Variants in CSMD1 observed in about 807,000 individuals in gnomAD.
CSMD1 encodes CUB and Sushi multiple domains 1, also known as CUB and sushi domain-containing protein 1.
In CSMD1, 213 loss-of-function variants were observed where a neutral mutation model predicts 417.5. That is an observed-to-expected ratio of 0.51 (90% CI 0.46 to 0.57). The LOEUF (loss-of-function observed/expected upper bound fraction) is 0.57, where lower values mean the gene tolerates loss of function less well. Ranked by LOEUF, CSMD1 falls within the 20% of genes least tolerant of loss-of-function variation. The pLI, the probability that CSMD1 is intolerant of heterozygous loss-of-function variation, is 0.00. For missense variants in CSMD1, 6,923 were observed against 4,529.7 expected (o/e 1.53, Z -15.17); for synonymous variants, 2,862 against 1,736.8 (o/e 1.65, Z -16.11).
chr8:4,240,511 T>C (rs1373054933), intron 3 of CSMD1, among the ~76,000 whole-genome samples: 3 of 152,216 alleles, frequency 2.0e-5, no homozygotes, highest in African/African-American at 7.2e-5. Flanking sequence ...GCAGCAAGAA[T>C]CTGGAAACTA....
intron 23 of CSMD1, among the ~76,000 whole-genome samples, chr8:3,323,383 A>T (rs1220057678): frequency 1.3e-5 from 2 of 151,636 alleles, no homozygotes; most frequent in Non-Finnish European, 2.9e-5. Context: ...TCAATAATCT[A>T]CCCTTCCCCA....
At chr8:4,368,072 A>G (rs1224783425) in intron 3 of CSMD1, among the ~76,000 whole-genome samples, 2 of 152,128 alleles carry the variant, frequency 1.3e-5, no homozygotes, top group Admixed American at 6.6e-5. Flanking sequence ...CAAAGTGCGC[A>G]TCCTTGTCTC....
At chr8:3,147,379 T>C (rs1399464523) in intron 40 of CSMD1, among the ~76,000 whole-genome samples, 1 of 152,230 alleles carries the variant, frequency 6.6e-6, no homozygotes, top group East Asian at 1.9e-4. Context: ...AAGAATCTTG[T>C]GAAAACCTTT....
At chr8:4,924,722 CAAAAAAAAA>C in intron 1 of CSMD1, among the ~76,000 whole-genome samples, 1 of 62,550 alleles carries the variant, frequency 1.6e-5, no homozygotes, top group South Asian at 8.8e-4. Flanking sequence ...AACTCCATCT[CAAAAAAAAA>C]AAAAAAAAAA....
chr8:3,031,675 G>A (rs982146580), intron 50 of CSMD1, among the ~76,000 whole-genome samples: 3 of 151,900 alleles, frequency 2.0e-5, no homozygotes, highest in African/African-American at 7.2e-5. Flanking sequence ...TGGGATTACA[G>A]GTATGAGCCG....
At chr8:3,181,971 T>A (rs552703060) in intron 36 of CSMD1, among the ~76,000 whole-genome samples, 67 of 152,252 alleles carry the variant, frequency 4.4e-4, no homozygotes, top group African/African-American at 1.6e-3. Flanking sequence ...TAGACAAGTT[T>A]AAGTCACTTT....
chr8:3,153,292 G>C (rs184484925), intron 39 of CSMD1, among the ~76,000 whole-genome samples: 2 of 152,352 alleles, frequency 1.3e-5, no homozygotes, highest in Admixed American at 6.5e-5. Flanking sequence ...CCCACCGCTT[G>C]TTTAGCATAT....
intron 3 of CSMD1, among the ~76,000 whole-genome samples, chr8:4,323,270 T>C (rs1416920018): frequency 1.3e-5 from 2 of 152,168 alleles, no homozygotes; most frequent in Non-Finnish European, 2.9e-5. Context: ...ACGGAAGTTC[T>C]GTAGCAGGTT....
intron 4 of CSMD1, among the ~76,000 whole-genome samples, chr8:4,007,278 G>T (rs17068521): frequency 6.6e-6 from 1 of 152,286 alleles, no homozygotes; most frequent in Admixed American, 6.5e-5. Context: ...GGCCCTGAAA[G>T]GCATTATGTG....
chr8:3,524,218 T>TATGCACACACATACACAC (rs1797653661), intron 10 of CSMD1, among the ~76,000 whole-genome samples: 1 of 135,946 alleles, frequency 7.4e-6, no homozygotes, highest in African/African-American at 2.8e-5. Context: ...ACCCAGACAA[T>TATGCACACACATACACAC]ATGCACACAC....
intron 1 of CSMD1, among the ~76,000 whole-genome samples, chr8:4,831,337 G>T (rs984251994): frequency 6.6e-6 from 1 of 152,060 alleles, no homozygotes; most frequent in Non-Finnish European, 1.5e-5. Flanking sequence ...AGCAATTACT[G>T]CAATACCTTA....
intron 2 of CSMD1, among the ~76,000 whole-genome samples, chr8:4,523,564 A>G (rs910802996): frequency 6.6e-6 from 1 of 152,082 alleles, no homozygotes; most frequent in African/African-American, 2.4e-5. Context: ...CAGAATATGC[A>G]ATTGTGGTTG....
chr8:4,918,484 T>A (rs926981412), intron 1 of CSMD1, among the ~76,000 whole-genome samples: 12 of 152,100 alleles, frequency 7.9e-5, no homozygotes, highest in African/African-American at 2.4e-4. Context: ...CTGCACAATG[T>A]GTATGTCTGC....
intron 7 of CSMD1, among the ~76,000 whole-genome samples, chr8:3,680,850 G>C (rs564892718): frequency 6.6e-6 from 1 of 152,084 alleles, no homozygotes; most frequent in South Asian, 2.1e-4. Flanking sequence ...ATGATCAAGT[G>C]GGCTTCATCC....
chr8:4,450,559 C>G (rs145168454), intron 2 of CSMD1, among the ~76,000 whole-genome samples: 1 of 151,966 alleles, frequency 6.6e-6, no homozygotes, highest in Non-Finnish European at 1.5e-5. Context: ...CACTTGAACC[C>G]GGGAGGCAGA....
At chr8:3,728,298 T>C (rs571895513) in intron 6 of CSMD1, among the ~76,000 whole-genome samples, 2 of 152,260 alleles carry the variant, frequency 1.3e-5, no homozygotes, top group South Asian at 4.1e-4. Context: ...TTGCTCTTCC[T>C]TCATCTTCCA....
At chr8:4,510,879 C>T (rs1192415228) in intron 2 of CSMD1, among the ~76,000 whole-genome samples, 2 of 147,424 alleles carry the variant, frequency 1.4e-5, no homozygotes, top group East Asian at 2.0e-4. Context: ...CCTTCCTTCC[C>T]TCCCTCCCTT....
At chr8:3,472,982 C>T (rs1301729341) in intron 11 of CSMD1, among the ~76,000 whole-genome samples, 1 of 152,090 alleles carries the variant, frequency 6.6e-6, no homozygotes, top group Non-Finnish European at 1.5e-5. Flanking sequence ...TTATCTCACA[C>T]CCACCCCACC....
intron 7 of CSMD1, among the ~76,000 whole-genome samples, chr8:3,678,892 T>TA (rs1799513875): frequency 6.6e-6 from 1 of 152,140 alleles, no homozygotes; most frequent in African/African-American, 2.4e-5. Context: ...TCAACATTCT[T>TA]AAAGAAAACA....
Sources: gnomAD v4.1 joint callset for allele counts (sites outside exome capture counted in the v4.1 genomes callset) on GRCh38, gnomAD v4.1.1 for gene constraint, MANE v1.5 for transcripts, NCBI Gene and HGNC (gene_info 2026-07-23, HGNC 2026-07-21) for gene names.